The following ZFP14 variants were observed in gnomAD, a reference collection of about 807,000 sequenced individuals.
The protein encoded by ZFP14 is zinc finger protein 14 homolog.
A neutral mutation model predicts 54.5 loss-of-function variants in ZFP14; 22 were observed. The ratio of observed to expected loss-of-function variants is 0.40; its 90% CI spans 0.29 to 0.58. ZFP14 has a LOEUF of 0.58. Among genes scored for constraint, ZFP14 ranks in the 20% least tolerant of loss-of-function variants. The pLI, the probability that ZFP14 is intolerant of heterozygous loss-of-function variation, is 0.39. For synonymous variants in ZFP14, 159 were observed against 204.0 expected (o/e 0.78, Z 1.88); for missense variants, 470 against 637.8 (o/e 0.74, Z 2.83).
Position 36,337,828 on chromosome 19 carries a change from G to C in ZFP14, c.*2396C>G, listed in dbSNP as rs2031233664. On this transcript the variant is annotated 3_prime_UTR_variant, in exon 5 of 5. Transcript: ENST00000270001. ...GGGTTCAGAGGTGGCCAGTTTGATA[G>C]ATCCACCATAAAAATCTCGCTATAA... 1 of 152,126 alleles carries C rather than the reference G, an allele frequency of 6.6e-6. No individual in the cohort carries two copies. The highest frequency in any genetic ancestry group is 1.5e-5 in the Non-Finnish European group (1 of 68,030). 9.4% of individuals were successfully genotyped at this position (152,126 alleles called of 1,614,324 possible). A position where few individuals can be genotyped will look rare whatever the true frequency, so the allele number is the denominator to read the frequency against.
At chr19:36,374,566 G>C (rs1310880524) in intron 1 of ZFP14, among the ~76,000 whole-genome samples, 1 of 151,878 alleles carries the variant, frequency 6.6e-6, no homozygotes, top group African/African-American at 2.4e-5. Flanking sequence ...TGAATTAATG[G>C]ATTAAAGTTG....
At chr19:36,367,767 G>T (rs1040841238) in intron 2 of ZFP14, 117 bp downstream of exon 2, 28 of 1,253,576 alleles carry the variant, frequency 2.2e-5, no homozygotes, top group Admixed American at 1.1e-4. Flanking sequence ...TCCAGCCATG[G>T]AGCAGGTTCT....
intron 4 of ZFP14, among the ~76,000 whole-genome samples, chr19:36,354,222 T>G (rs1459125197): frequency 2.2e-5 from 3 of 139,226 alleles, no homozygotes; most frequent in African/African-American, 7.9e-5. Flanking sequence ...AATACAAAAA[T>G]TAGCCAAGCA....
intron 4 of ZFP14, among the ~76,000 whole-genome samples, chr19:36,349,235 AAAAAAAAC>A (rs1472380867): frequency 1.3e-4 from 6 of 46,168 alleles, no homozygotes; most frequent in African/African-American, 6.7e-4. Flanking sequence ...CTGTCTCAAA[AAAAAAAAC>A]AAAAAAAAAA....
intron 4 of ZFP14, among the ~76,000 whole-genome samples, chr19:36,346,255 G>A (rs896281355): frequency 1.3e-5 from 2 of 152,118 alleles, no homozygotes; most frequent in African/African-American, 4.8e-5. Context: ...CACTGCCTGG[G>A]TGACAGAGCG....
intron 4 of ZFP14, among the ~76,000 whole-genome samples, chr19:36,357,890 G>A (rs1387758996): frequency 6.6e-6 from 1 of 151,530 alleles, no homozygotes; most frequent in Non-Finnish European, 1.5e-5. Context: ...TTACAGGCTT[G>A]CACCACCATG....
chr19:36,342,009 G>A (rs557548005), intron 4 of ZFP14, among the ~76,000 whole-genome samples: 16 of 151,582 alleles, frequency 1.1e-4, no homozygotes, highest in African/African-American at 3.1e-4. Flanking sequence ...CTGCCACCAC[G>A]CCCGGCTAAT....
intron 4 of ZFP14, among the ~76,000 whole-genome samples, chr19:36,359,598 AG>A (rs981743774): frequency 6.3e-5 from 5 of 79,886 alleles, no homozygotes; most frequent in Admixed American, 2.7e-4. Context: ...ATTTCATTTA[AG>A]TTATCAAATT....
chr19:36,363,442 G>T (rs910427964), intron 2 of ZFP14, among the ~76,000 whole-genome samples: 53 of 151,802 alleles, frequency 3.5e-4, no homozygotes, highest in African/African-American at 1.2e-3. Context: ...TGATCCGCCC[G>T]CCTCGGCTTC....
chr19:36,349,686 T>A (rs1181434333), intron 4 of ZFP14, among the ~76,000 whole-genome samples: 36 of 144,626 alleles, frequency 2.5e-4, no homozygotes, highest in African/African-American at 9.0e-4. Flanking sequence ...AAAAAATATA[T>A]ATATATATAA....
intron 4 of ZFP14, among the ~76,000 whole-genome samples, chr19:36,349,001 G>A (rs932488807): frequency 1.3e-5 from 2 of 151,834 alleles, no homozygotes; most frequent in Non-Finnish European, 2.9e-5. Flanking sequence ...GCCGAGGTGG[G>A]CAGATCGCCT....
intron 2 of ZFP14, chr19:36,362,898 T>C (rs2031731342): frequency 8.0e-6 from 2 of 251,212 alleles, no homozygotes; most frequent in Non-Finnish European, 1.6e-5. Flanking sequence ...TTCTCTTTTA[T>C]AACCAATTCT....
rs572359052 is a variant in ZFP14, at chr19:36,370,250, T to C, written c.-79-2279A>G. On this transcript the variant is annotated intron_variant, in intron 1 of 4. Coordinates refer to ENST00000270001, the MANE Select transcript of ZFP14 (RefSeq NM_020917.3). ...CCCTCCCCAGCTCAAGGCAGCACAGTGTAGACAGAGGTATTGCCCACTTGG... is the reference window on the plus strand; with the variant it reads ...CCCTCCCCAGCTCAAGGCAGCACAGCGTAGACAGAGGTATTGCCCACTTGG... Among the ~76,000 whole-genome samples the C allele has an allele frequency of 2.0e-5, 3 of 152,266 alleles. No homozygotes were observed. In the East Asian group the frequency reaches 5.8e-4, roughly 29 times the overall value.
Position 36,341,445 on chromosome 19 carries a change from G to A in ZFP14, c.381C>T (p.Ser127=), listed in dbSNP as rs995880655. The change falls in exon 5 of 5, where the codon AGC becomes AGT. Residue 127 remains serine (S), a synonymous_variant. Transcript: ENST00000270001. This position sits in a 1 kb window ranked among gnomAD's most constrained non-coding sequence, Gnocchi z 4.2. ...SIFRNDWECK[S]KIEGEKEQQE... ...GTTGTTCCTTTTCCCCCTCAATCTT[G>A]CTTTTGCATTCCCAATCATTCCTAA... The A allele has an allele frequency of 6.2e-7, 1 of 1,613,874 alleles. No homozygotes were observed. The highest frequency in any genetic ancestry group is 8.5e-7 in the Non-Finnish European group (1 of 1,180,006).
intron 4 of ZFP14, among the ~76,000 whole-genome samples, chr19:36,358,807 G>A (rs1293393659): frequency 6.6e-6 from 1 of 152,164 alleles, no homozygotes; most frequent in East Asian, 1.9e-4. Context: ...GCAATATTGA[G>A]AGGTGGGGTT....
chr19:36,374,351 AT>A (rs2031926814), intron 1 of ZFP14, among the ~76,000 whole-genome samples: 1 of 151,982 alleles, frequency 6.6e-6, no homozygotes, highest in Non-Finnish European at 1.5e-5. Flanking sequence ...TTAGCCGGGC[AT>A]GATGGCAGGT....
chr19:36,374,347 G>C (rs1001433676), intron 1 of ZFP14, among the ~76,000 whole-genome samples: 1 of 151,830 alleles, frequency 6.6e-6, no homozygotes, highest in African/African-American at 2.4e-5. Context: ...AAAATTAGCC[G>C]GGCATGATGG....
Position 36,338,710 on chromosome 19 carries a change from A to T in ZFP14, c.*1514T>A, listed in dbSNP as rs73041864. 6 of 152,224 alleles carry T rather than the reference A, an allele frequency of 3.9e-5. No individual in the cohort carries two copies. The East Asian group carries it at 1.2e-3, about 29-fold the overall frequency. The allele number at this position is 152,224 out of a possible 1,614,324, so 9.4% of individuals were successfully genotyped here. On this transcript the variant is annotated 3_prime_UTR_variant, in exon 5 of 5. Coordinates refer to ENST00000270001, the MANE Select transcript of ZFP14 (RefSeq NM_020917.3). ...TTATGCAGCCACAATCAAGTAAACT[A>T]TCAAATTATTGGTGGGATCACATCA...
chr19:36,369,896 A>G (rs2031854335), intron 1 of ZFP14, among the ~76,000 whole-genome samples: 1 of 152,124 alleles, frequency 6.6e-6, no homozygotes, highest in African/African-American at 2.4e-5. Context: ...CTACAGTGGC[A>G]TGATCTTGGC....
Sources: allele counts gnomAD v4.1 joint callset (sites outside exome capture counted in the v4.1 genomes callset), GRCh38; gene constraint gnomAD v4.1.1; non-coding constraint Gnocchi (gnomAD v3.1); transcripts MANE v1.5; gene names NCBI Gene and HGNC (gene_info 2026-07-23, HGNC 2026-07-21).